ZNF420: variants seen among roughly 807,000 people sequenced by gnomAD.
ZNF420 encodes zinc finger protein 420.
Under a neutral mutation model 44.7 loss-of-function variants are expected in ZNF420, and 31 were observed. The ratio of observed to expected loss-of-function variants is 0.69; its 90% CI spans 0.52 to 0.94. The LOEUF (loss-of-function observed/expected upper bound fraction) is 0.94, where lower values mean the gene tolerates loss of function less well. Ranked by LOEUF, ZNF420 falls within the 40% of genes least tolerant of loss-of-function variation. The pLI is 0.00. For synonymous variants in ZNF420, 245 were observed against 267.4 expected, an observed-to-expected ratio of 0.92 and a Z score of 0.82; for missense variants, 681 against 827.9, an observed-to-expected ratio of 0.82 and a Z score of 2.18.
At chr19:37,115,405 G>A (rs922449644) in intron 4 of ZNF420, among the ~76,000 whole-genome samples, 3 of 152,092 alleles carry the variant, frequency 2.0e-5, no homozygotes, top group African/African-American at 7.2e-5. Flanking sequence ...ATCTTGGAGA[G>A]GGGGATGTGG....
chr19:37,087,128 A>T (rs1262796955), intron 2 of ZNF420, among the ~76,000 whole-genome samples: 1 of 151,944 alleles, frequency 6.6e-6, no homozygotes, highest in East Asian at 1.9e-4. Context: ...CAACAAAAAA[A>T]GTAAAAATTA....
At chr19:37,008,823 A>T (rs1335268521) in intron 1 of ZNF420, among the ~76,000 whole-genome samples, 11 of 152,126 alleles carry the variant, frequency 7.2e-5, no homozygotes, top group Admixed American at 7.2e-4. Flanking sequence ...AGGGGTGCAG[A>T]TGCTTCTTGG....
intron 1 of ZNF420, among the ~76,000 whole-genome samples, chr19:37,021,695 T>A (rs2074649516): frequency 6.6e-6 from 1 of 151,846 alleles, no homozygotes; most frequent in Admixed American, 6.6e-5. Flanking sequence ...TCTCAGCACT[T>A]TGGGAGGCCA....
chr19:37,036,277 A>G (rs1967353209), intron 1 of ZNF420, among the ~76,000 whole-genome samples: 1 of 152,270 alleles, frequency 6.6e-6, no homozygotes, highest in Non-Finnish European at 1.5e-5. Context: ...GTTTGAGGTT[A>G]TGGATATGCA....
intron 4 of ZNF420, among the ~76,000 whole-genome samples, chr19:37,099,914 T>A (rs1186803491): frequency 6.6e-6 from 1 of 152,120 alleles, no homozygotes; most frequent in African/African-American, 2.4e-5. Flanking sequence ...TGAGCCACCA[T>A]GCCCAGGCTG....
chr19:37,069,875 T>A (rs1442390714), intron 1 of ZNF420, among the ~76,000 whole-genome samples: 1 of 151,958 alleles, frequency 6.6e-6, no homozygotes, highest in African/African-American at 2.4e-5. Flanking sequence ...AGCATCCAGC[T>A]TAAAAATGTG....
chr19:37,064,297 A>T, intron 1 of ZNF420, among the ~76,000 whole-genome samples: 1 of 152,306 alleles, frequency 6.6e-6, no homozygotes, highest in East Asian at 1.9e-4. Context: ...TCAATTTATT[A>T]ATTTATGTCA....
intron 1 of ZNF420, among the ~76,000 whole-genome samples, chr19:37,029,418 A>G (rs1325219595): frequency 2.0e-5 from 3 of 152,226 alleles, no homozygotes; most frequent in African/African-American, 7.2e-5. Context: ...AATTCAATTC[A>G]ATAGGTATAA....
At chr19:37,020,804 A>G (rs540948196) in intron 1 of ZNF420, among the ~76,000 whole-genome samples, 1 of 152,330 alleles carries the variant, frequency 6.6e-6, no homozygotes, top group African/African-American at 2.4e-5. Context: ...TAAACACTGT[A>G]TTATTCCACT....
intron 2 of ZNF420, among the ~76,000 whole-genome samples, chr19:37,086,752 T>C (rs1257914054): frequency 6.6e-6 from 1 of 152,222 alleles, no homozygotes; most frequent in Non-Finnish European, 1.5e-5. Context: ...AAGTCTATTT[T>C]GTCTTATACT....
chr19:37,084,959 A>G (rs1320569433), intron 2 of ZNF420, among the ~76,000 whole-genome samples: 1 of 152,078 alleles, frequency 6.6e-6, no homozygotes, highest in Non-Finnish European at 1.5e-5. Flanking sequence ...GATATTCTCT[A>G]TTGTAATCTA....
intron 1 of ZNF420, among the ~76,000 whole-genome samples, chr19:37,013,685 G>A (rs924301863): frequency 4.6e-5 from 7 of 152,194 alleles, no homozygotes; most frequent in Non-Finnish European, 1.0e-4. Context: ...GCACAGAACG[G>A]TCCCACGGAC....
chr19:37,116,498 C>G (rs1011709503), intron 4 of ZNF420, among the ~76,000 whole-genome samples: 1 of 151,688 alleles, frequency 6.6e-6, no homozygotes, highest in Admixed American at 6.6e-5. Context: ...CAAATAGGAA[C>G]AGCTCTGGTC....
rs10416074 is a variant in ZNF420 at position 37,026,180 on chromosome 19, G to C, written c.-125+18098G>C. On this transcript the variant is annotated intron_variant, in intron 1 of 4. Coordinates refer to the ZNF420 transcript ENST00000587029. ...ATACAAAATTAGCTGGCGGGGGTGG[G>C]GTTGGGGGGTGACACATCCCAGGCT... is the stretch of plus-strand genomic sequence containing the variant. 2.2e-3 allele frequency among the ~76,000 whole-genome samples: 328 copies of C among 151,310 alleles called. 3 individuals are homozygous for C. Among genetic ancestry groups the C allele is most frequent in the African/African-American group, 7.5e-3 (311 of 41,244 alleles).
At chr19:37,028,548 C>G (rs148816937) in intron 1 of ZNF420, among the ~76,000 whole-genome samples, 8 of 152,320 alleles carry the variant, frequency 5.3e-5, no homozygotes, top group African/African-American at 1.7e-4. Context: ...CTGCCCATGT[C>G]TTTCTCATTA....
At position 37,127,238 on chromosome 19, in the gene ZNF420, G is replaced by C. The variant is rs759789336; in HGVS notation, c.247G>C (p.Glu83Gln). 1.2e-6 allele frequency: 2 copies of C among 1,612,610 alleles called. No individual in the cohort carries two copies. Among genetic ancestry groups the C allele is most frequent in the Non-Finnish European group, 1.7e-6 (2 of 1,179,484 alleles). ...SDRLENCDLEESNSRDYLEAK... is the reference protein window; with the variant it reads ...SDRLENCDLEQSNSRDYLEAK... ...CAGACTTGAAAACTGTGATCTTGAAGAGTCCAATTCCAGGGATTATTTGGA... is the reference window on the plus strand; with the variant it reads ...CAGACTTGAAAACTGTGATCTTGAACAGTCCAATTCCAGGGATTATTTGGA... Residue 83 changes from glutamate to glutamine, a missense_variant, in exon 5 of 5, where the codon GAG becomes CAG. This residue lies in a region of ZNF420 where 350 missense variants were observed against 382.5 expected (regional missense o/e 0.92). Coordinates refer to ENST00000337995, the MANE Select transcript of ZNF420 (RefSeq NM_144689.5).
intron 4 of ZNF420, among the ~76,000 whole-genome samples, chr19:37,103,683 C>T (rs927203691): frequency 4.6e-5 from 7 of 152,146 alleles, no homozygotes; most frequent in African/African-American, 1.4e-4. Flanking sequence ...TACTTAAGCC[C>T]AGTACCCTCA....
chr19:37,061,318 A>G (rs980485898), intron 1 of ZNF420, among the ~76,000 whole-genome samples: 2 of 152,246 alleles, frequency 1.3e-5, no homozygotes, highest in Non-Finnish European at 2.9e-5. Context: ...TGTAAAATTC[A>G]TGTCTTCTAT....
chr19:37,054,540 C>T (rs1967706619), intron 1 of ZNF420, among the ~76,000 whole-genome samples: 2 of 152,212 alleles, frequency 1.3e-5, no homozygotes, highest in Admixed American at 1.3e-4. Context: ...TCTATGAAGA[C>T]AAAACCACAG....
Sources: allele counts gnomAD v4.1 joint callset (sites outside exome capture counted in the v4.1 genomes callset), GRCh38; gene constraint gnomAD v4.1.1; regional missense constraint gnomAD v4.1.1; transcripts MANE v1.5; gene names NCBI Gene and HGNC (gene_info 2026-07-23, HGNC 2026-07-21).